Variants in FBXO17 observed in about 807,000 individuals in gnomAD.
FBXO17 encodes F-box protein 17.
FBXO17 carries 43 observed loss-of-function variants against 34.1 expected under a neutral mutation model. The observed-to-expected ratio is 1.26, with a 90% confidence interval of 0.99 to 1.62. The LOEUF is 1.62. Among genes scored for constraint, FBXO17 ranks in the 40% most tolerant of loss-of-function variants. The pLI, the probability that FBXO17 is intolerant of heterozygous loss-of-function variation, is 0.00. For synonymous variants in FBXO17, 169 were observed against 166.0 expected (o/e 1.02, Z -0.14); for missense variants, 424 against 386.7 (o/e 1.10, Z -0.81).
chr19:38,966,942 T>C (rs889170381), intron 1 of FBXO17, among the ~76,000 whole-genome samples: 7 of 152,158 alleles, frequency 4.6e-5, no homozygotes, highest in African/African-American at 1.7e-4. Flanking sequence ...GTTAAAACTA[T>C]AAAACTTTGA....
chr19:38,951,837 GAC>G (rs780856503), intron 1 of FBXO17, among the ~76,000 whole-genome samples: 27 of 150,550 alleles, frequency 1.8e-4, no homozygotes, highest in Non-Finnish European at 3.1e-4. Flanking sequence ...TTTAAGGAGA[GAC>G]AGTTTCACCA....
At chr19:38,955,145 A>T (rs549041021) in intron 1 of FBXO17, among the ~76,000 whole-genome samples, 1 of 149,726 alleles carries the variant, frequency 6.7e-6, no homozygotes, top group African/African-American at 2.5e-5. Flanking sequence ...GTTAGCCAGG[A>T]TGGTCTCGAT....
At chr19:38,944,910 A>G (rs1259765525) in intron 5 of FBXO17, 59 bp downstream of exon 5, 2 of 1,599,526 alleles carry the variant, frequency 1.3e-6, no homozygotes, top group African/African-American at 1.3e-5. Flanking sequence ...AGCAGACGAG[A>G]GGCTGGGCGT....
At chr19:38,959,283 C>CT (rs71167603) in intron 1 of FBXO17, among the ~76,000 whole-genome samples, 83,851 of 127,940 alleles carry the variant, frequency 0.66, 25,286 homozygotes, top group East Asian at 0.87. Flanking sequence ...TTCTTTCTTT[C>CT]TTTTTTTTTT....
intron 1 of FBXO17, among the ~76,000 whole-genome samples, chr19:38,963,343 G>A (rs996914639): frequency 2.7e-5 from 4 of 150,444 alleles, no homozygotes; most frequent in African/African-American, 9.8e-5. Flanking sequence ...TGCCCAGGCT[G>A]GAGGGCAGTG....
At chr19:38,968,537 C>G (rs979402662) in intron 1 of FBXO17, among the ~76,000 whole-genome samples, 3 of 151,558 alleles carry the variant, frequency 2.0e-5, no homozygotes, top group African/African-American at 7.3e-5. Context: ...TATATGAAAC[C>G]TAGCAATTCT....
chr19:38,974,392 T>G (rs1975434850), intron 1 of FBXO17, among the ~76,000 whole-genome samples: 1 of 152,116 alleles, frequency 6.6e-6, no homozygotes, highest in Admixed American at 6.6e-5. Flanking sequence ...TAAAAATATA[T>G]TTTTTAAAAA....
rs1243988211 is a variant in FBXO17 at position 38,948,632 on chromosome 19, G to A, written c.396C>T (p.Ala132=). ...GCACCGGTGTTAGGTTCTTTTCTAT[G>A]GCCCAGCCGTTCCCGCCATGCTCCA... ...WEVEHGGNGW[A]IEKNLTPVPG... The change falls in exon 3 of 6, where the codon GCC becomes GCT. Residue 132 remains alanine, a synonymous_variant. Coordinates refer to ENST00000292852, the MANE Select transcript of FBXO17 (RefSeq NM_024907.7). 3 of 1,614,004 alleles carry A rather than the reference G, an allele frequency of 1.9e-6. No individual in the cohort carries two copies. Among genetic ancestry groups the A allele is most frequent in the African/African-American group, 1.3e-5 (1 of 74,922 alleles).
chr19:38,960,577 C>T (rs1384430786), intron 1 of FBXO17, among the ~76,000 whole-genome samples: 1 of 152,144 alleles, frequency 6.6e-6, no homozygotes, highest in African/African-American at 2.4e-5. Context: ...GGCACGATCT[C>T]GGCTCACTGT....
At chr19:38,950,436 C>T in intron 1 of FBXO17, 100 bp from the exon 2 acceptor site, 1 of 1,353,742 alleles carries the variant, frequency 7.4e-7, no homozygotes, top group Admixed American at 3.7e-5. Context: ...TCGAGAGACC[C>T]CATTAGGTCC....
intron 1 of FBXO17, among the ~76,000 whole-genome samples, chr19:38,959,133 T>C (rs1398716512): frequency 6.6e-6 from 1 of 151,158 alleles, no homozygotes; most frequent in Non-Finnish European, 1.5e-5. Context: ...GGCTGGTCTC[T>C]TCCTGGGCTC....
At chr19:38,951,849 A>C (rs925910764) in intron 1 of FBXO17, among the ~76,000 whole-genome samples, 2 of 150,706 alleles carry the variant, frequency 1.3e-5, no homozygotes, top group Non-Finnish European at 2.9e-5. Flanking sequence ...CAGTTTCACC[A>C]TGTTGGCCAT....
intron 3 of FBXO17, chr19:38,946,810 T>C: frequency 1.8e-6 from 1 of 547,718 alleles, no homozygotes; most frequent in Non-Finnish European, 3.3e-6. Flanking sequence ...AGCCTGACCC[T>C]CATCTTTGTG....
Position 38,950,134 on chromosome 19 carries a change from C to T in FBXO17, c.186G>A (p.Gln62=), listed in dbSNP as rs1026033236. ...CCTCGGCGCTGCGGTCGCGGGCCAGCTGCAGCAGCCACACAGTGGGCCCGT... is the reference window on the plus strand; with the variant it reads ...CCTCGGCGCTGCGGTCGCGGGCCAGTTGCAGCAGCCACACAGTGGGCCCGT... The part of the protein sequence containing the change: ...IVDGPTVWLL[Q]LARDRSAEGR... Residue 62 remains glutamine, a synonymous_variant, in exon 2 of 6, where the codon CAG becomes CAA. Transcript: ENST00000292852. 52 of 1,561,546 alleles carry T rather than the reference C, an allele frequency of 3.3e-5. No individual in the cohort carries two copies. Among genetic ancestry groups the T allele is most frequent in the Non-Finnish European group, 4.3e-5 (50 of 1,157,810 alleles).
chr19:38,955,041 C>T (rs1301569547), intron 1 of FBXO17, among the ~76,000 whole-genome samples: 2 of 151,672 alleles, frequency 1.3e-5, no homozygotes, highest in East Asian at 3.9e-4. Flanking sequence ...CGCCATTCTC[C>T]TGCCTCAGCC....
intron 2 of FBXO17, 139 bp downstream of exon 2, chr19:38,949,832 C>T: frequency 9.1e-7 from 1 of 1,102,438 alleles, no homozygotes; most frequent in Non-Finnish European, 1.2e-6. Flanking sequence ...CGCCCAGGCA[C>T]TGCGTCCCTC....
intron 1 of FBXO17, among the ~76,000 whole-genome samples, chr19:38,956,043 A>T (rs1975162123): frequency 6.6e-6 from 1 of 152,032 alleles, no homozygotes; most frequent in Non-Finnish European, 1.5e-5. Context: ...AGGTGAGCGG[A>T]TCACCTGAGG....
chr19:38,952,584 C>G, intron 1 of FBXO17: 1 of 534,464 alleles, frequency 1.9e-6, no homozygotes, highest in South Asian at 1.4e-5. Flanking sequence ...TTGCTTCATG[C>G]GTCATCTGCT....
At chr19:38,951,916 T>G (rs1405196797) in intron 1 of FBXO17, among the ~76,000 whole-genome samples, 1 of 152,198 alleles carries the variant, frequency 6.6e-6, no homozygotes, top group Non-Finnish European at 1.5e-5. Context: ...CCCGAAGTGC[T>G]GGGATTATAG....
Sources: gnomAD v4.1 joint callset for allele counts (sites outside exome capture counted in the v4.1 genomes callset) on GRCh38, gnomAD v4.1.1 for gene constraint, MANE v1.5 for transcripts, NCBI Gene and HGNC (gene_info 2026-07-23, HGNC 2026-07-21) for gene names.